The following CLTC variants were observed in gnomAD, a reference collection of about 807,000 sequenced individuals.
The protein encoded by CLTC is clathrin heavy chain, also known as clathrin heavy chain 1.
CLTC carries 16 observed loss-of-function variants against 195.8 expected under a neutral mutation model. The observed-to-expected ratio is 0.08, with a 90% CI of 0.06 to 0.12. CLTC has a LOEUF of 0.12. Ranked by LOEUF, CLTC falls within the 10% of genes least tolerant of loss-of-function variation. CLTC has a pLI of 1.00. For missense variants in CLTC, 796 were observed against 2,027.0 expected, an observed-to-expected ratio of 0.39 and a Z score of 11.66; for synonymous variants, 667 against 689.4, an observed-to-expected ratio of 0.97 and a Z score of 0.51.
At chr17:59,670,585 G>T (rs1261356654) in intron 14 of CLTC, among the ~76,000 whole-genome samples, 1 of 151,964 alleles carries the variant, frequency 6.6e-6, no homozygotes, top group East Asian at 1.9e-4. Flanking sequence ...ATTCTTAAAT[G>T]ATTTCTTTTT....
Position 59,681,064 on chromosome 17 carries a change from T to C in CLTC, c.3065+7T>C. 6.2e-7 allele frequency: 1 copy of C among 1,612,754 alleles called. No homozygotes were observed. The highest frequency in any genetic ancestry group is 1.7e-5 in the Admixed American group (1 of 59,718). On this transcript the variant is annotated splice_region_variant and intron_variant, in intron 19 of 31. Transcript: ENST00000269122. The surrounding 1 kb of genome is among the most constrained non-coding windows in gnomAD (Gnocchi z 5.0). ...CTGTATTCAGTGAACACAGGTATGC[T>C]TTCAGAGGGATCCATTGGCTATTTA...
chr17:59,644,539 GTTTTTTT>G (rs748545396), intron 2 of CLTC, 56 bp downstream of exon 2: 59 of 1,136,754 alleles, frequency 5.2e-5, no homozygotes, highest in Non-Finnish European at 5.7e-5. Flanking sequence ...GTTTTTTTTT[GTTTTTTT>G]TTTGTTTGTT....
At chr17:59,658,317 C>T (rs1050591116) in intron 6 of CLTC, among the ~76,000 whole-genome samples, 7 of 152,190 alleles carry the variant, frequency 4.6e-5, no homozygotes, top group Admixed American at 4.6e-4. Flanking sequence ...GGATTACAGG[C>T]ATGAGCCACC....
intron 6 of CLTC, among the ~76,000 whole-genome samples, chr17:59,656,858 G>T (rs1325221989): frequency 6.6e-6 from 1 of 151,624 alleles, no homozygotes; most frequent in Non-Finnish European, 1.5e-5. Context: ...ATTTTTAGTA[G>T]AGGCGGGCTT....
chr17:59,687,458 T>A (rs372800811), intron 30 of CLTC, among the ~76,000 whole-genome samples: 1 of 151,676 alleles, frequency 6.6e-6, no homozygotes, highest in African/African-American at 2.4e-5. Flanking sequence ...TATATATGTA[T>A]ATATACATGC....
At position 59,625,989 on chromosome 17, in the gene CLTC, A is replaced by C. The variant is rs146306816; in HGVS notation, c.42+5816A>C. Among the ~76,000 whole-genome samples, 711 of 152,308 alleles carry C rather than the reference A, an allele frequency of 4.7e-3. 19 individuals are homozygous for C. Among genetic ancestry groups the C allele is most frequent in the Admixed American group, 0.037 (569 of 15,300 alleles). On this transcript the variant is annotated intron_variant, in intron 1 of 31. Transcript: ENST00000269122. ...AGGAGCATTAATTATTGGCTAAATA[A>C]TTTTTGTCCAGTACATTTTATTCAG...
At position 59,666,150 on chromosome 17, in the gene CLTC, A is replaced by C. The variant is rs138226151; in HGVS notation, c.1692A>C (p.Ala564=). 5.6e-6 allele frequency: 9 copies of C among 1,613,172 alleles called. No individual in the cohort carries two copies. In the African/African-American group the frequency reaches 9.3e-5, roughly 17 times the overall value. ...MEYNLIQQCT[A]FLLDALKNNR... is the part of the protein sequence containing the mutation. The stretch of plus-strand genomic sequence containing the variant: ...ACAATCTAATTCAGCAGTGTACTGC[A>C]TTCTTGCTTGATGCTCTGAAGAATA... Residue 564 remains alanine (A), a synonymous_variant, in exon 11 of 32, where the codon GCA becomes GCC. Coordinates refer to ENST00000269122, the MANE Select transcript of CLTC (RefSeq NM_004859.4). This position sits in a 1 kb window ranked among gnomAD's most constrained non-coding sequence, Gnocchi z 4.9.
intron 4 of CLTC, among the ~76,000 whole-genome samples, chr17:59,650,602 C>G (rs943757313): frequency 6.6e-6 from 1 of 151,450 alleles, no homozygotes; most frequent in African/African-American, 2.4e-5. Context: ...ATTCTCCTGC[C>G]TCAGCCTCCC....
At chr17:59,657,798 G>T (rs2032508792) in intron 6 of CLTC, among the ~76,000 whole-genome samples, 1 of 146,920 alleles carries the variant, frequency 6.8e-6, no homozygotes, top group East Asian at 2.0e-4. Flanking sequence ...GGAAAATCAA[G>T]AATATATTGG....
intron 1 of CLTC, among the ~76,000 whole-genome samples, chr17:59,623,530 G>A (rs531385351): frequency 2.9e-4 from 44 of 152,226 alleles, no homozygotes; most frequent in African/African-American, 1.0e-3. Context: ...TGAGTATTTA[G>A]GAAAATTCAC....
At chr17:59,628,661 C>T (rs900416206) in intron 1 of CLTC, among the ~76,000 whole-genome samples, 11 of 151,982 alleles carry the variant, frequency 7.2e-5, no homozygotes, top group Admixed American at 4.6e-4. Context: ...TCATAGAAGA[C>T]GAAAAAACGA....
chr17:59,674,772 A>G lies in CLTC; in HGVS notation c.2490A>G (p.Lys830=). Residue 830 remains lysine, a synonymous_variant, in exon 16 of 32, where the codon AAA becomes AAG. Coordinates refer to ENST00000269122, the MANE Select transcript of CLTC (RefSeq NM_004859.4). The stretch of plus-strand genomic sequence containing the variant: ...TTGACTGTTCTGAAGATGTCATAAA[A>G]AACTTGATTCTTGTTGTAAGAGGTC... The part of the protein sequence containing the change: ...LDVDCSEDVI[K]NLILVVRGQF... 1 of 1,613,568 alleles carries G rather than the reference A, an allele frequency of 6.2e-7. No homozygotes were observed. The highest frequency in any genetic ancestry group is 1.1e-5 in the South Asian group (1 of 91,048).
chr17:59,622,357 T>A (rs1434264731), intron 1 of CLTC, among the ~76,000 whole-genome samples: 2 of 152,158 alleles, frequency 1.3e-5, no homozygotes, highest in African/African-American at 4.8e-5. Flanking sequence ...CCTAACTTCA[T>A]ATCATTATCT....
intron 1 of CLTC, among the ~76,000 whole-genome samples, chr17:59,637,390 G>A (rs1399421579): frequency 6.6e-6 from 1 of 150,832 alleles, no homozygotes; most frequent in Non-Finnish European, 1.5e-5. Context: ...GACTACAGGT[G>A]CCCGTCACCA....
At chr17:59,691,650 CAT>C (rs1269957302) in intron 31 of CLTC, among the ~76,000 whole-genome samples, 16 of 140,592 alleles carry the variant, frequency 1.1e-4, no homozygotes, top group Admixed American at 4.3e-4. Flanking sequence ...TATATATATA[CAT>C]ATATATATAT....
intron 2 of CLTC, among the ~76,000 whole-genome samples, chr17:59,645,563 G>C (rs2032169132): frequency 6.6e-6 from 1 of 152,172 alleles, no homozygotes; most frequent in Non-Finnish European, 1.5e-5. Context: ...CATTTTGATA[G>C]AAGAAAGAAG....
chr17:59,652,035 CAGT>C (rs1287175255), intron 5 of CLTC, among the ~76,000 whole-genome samples: 1 of 152,198 alleles, frequency 6.6e-6, no homozygotes, highest in Non-Finnish European at 1.5e-5. Context: ...CCTTTACCAG[CAGT>C]AGATTTTATC....
intron 18 of CLTC, among the ~76,000 whole-genome samples, chr17:59,680,115 C>T (rs1363909519): frequency 6.6e-6 from 1 of 151,984 alleles, no homozygotes; most frequent in Non-Finnish European, 1.5e-5. Flanking sequence ...ATAAAACTCT[C>T]TTGGTTCATC....
chr17:59,670,277 G>T (rs1453347027), intron 14 of CLTC, among the ~76,000 whole-genome samples: 2 of 148,198 alleles, frequency 1.3e-5, no homozygotes, highest in Admixed American at 6.7e-5. Context: ...GGGGTGTTGG[G>T]TTTTTTTTTT....
Sources: gnomAD v4.1 joint callset for allele counts (sites outside exome capture counted in the v4.1 genomes callset) on GRCh38, gnomAD v4.1.1 for gene constraint, Gnocchi (gnomAD v3.1) non-coding constraint, MANE v1.5 for transcripts, NCBI Gene and HGNC (gene_info 2026-07-23, HGNC 2026-07-21) for gene names.